Variants in ADAM2 observed in about 807,000 individuals in gnomAD.
ADAM2 encodes ADAM metallopeptidase domain 2.
In ADAM2, 101 loss-of-function variants were observed where a neutral mutation model predicts 99.3. The observed-to-expected ratio is 1.02, with a 90% CI of 0.87 to 1.20. ADAM2 has a LOEUF of 1.20. Among genes scored for constraint, ADAM2 ranks in the 50% most tolerant of loss-of-function variants. ADAM2 has a pLI of 0.00. For missense variants in ADAM2, 948 were observed against 878.7 expected (o/e 1.08, Z -1.00); for synonymous variants, 323 against 287.6 (o/e 1.12, Z -1.25).
chr8:39,769,943 C>CTTTTTTTTTT (rs1563346039), intron 11 of ADAM2, among the ~76,000 whole-genome samples: 1 of 102,082 alleles, frequency 9.8e-6, no homozygotes, highest in Non-Finnish European at 2.0e-5. Context: ...TCTTTTTTTT[C>CTTTTTTTTTT]TTTTTTCTTT....
At chr8:39,821,275 C>T in intron 5 of ADAM2, 105 bp from the exon 6 acceptor site, 2 of 830,470 alleles carry the variant, frequency 2.4e-6, no homozygotes. Flanking sequence ...TTATTTTTAG[C>T]CTGAATCTAA....
chr8:39,811,414 C>T (rs982486603), intron 6 of ADAM2, among the ~76,000 whole-genome samples: 2 of 152,188 alleles, frequency 1.3e-5, no homozygotes, highest in Admixed American at 1.3e-4. Flanking sequence ...GGAATCCTCC[C>T]TAACTCATTT....
chr8:39,835,649 C>T (rs1458674765), intron 2 of ADAM2, among the ~76,000 whole-genome samples: 1 of 149,218 alleles, frequency 6.7e-6, no homozygotes, highest in Non-Finnish European at 1.5e-5. Flanking sequence ...CGCCACTGCA[C>T]TCCAGCCTGG....
Position 39,809,425 on chromosome 8 carries a change from T to C in ADAM2, c.555A>G (p.Ile185Met). ...DFAKYIEMHV[I>M]VEKQLYNHMG... ...ATATACTTACCAATTGTTTTTCAAC[T>C]ATAACATGCATTTCTATATACTTTG... Residue 185 changes from isoleucine to methionine, a missense_variant, in exon 7 of 21, where the codon ATA becomes ATG. Transcript: ENST00000265708. 1 of 1,369,780 alleles carries C rather than the reference T, an allele frequency of 7.3e-7. No homozygotes were observed. The highest frequency in any genetic ancestry group is 1.0e-6 in the Non-Finnish European group (1 of 972,374). The allele number at this position is 1,369,780 out of a possible 1,614,324, so 84.9% of individuals were successfully genotyped here.
intron 4 of ADAM2, among the ~76,000 whole-genome samples, chr8:39,823,639 C>T (rs1223305483): frequency 1.3e-5 from 2 of 151,936 alleles, no homozygotes; most frequent in East Asian, 1.9e-4. Flanking sequence ...ATATTGTGAT[C>T]TCCTGTGCCT....
intron 11 of ADAM2, among the ~76,000 whole-genome samples, chr8:39,772,298 T>G (rs1363137145): frequency 1.3e-5 from 2 of 151,984 alleles, no homozygotes; most frequent in African/African-American, 2.4e-5. Context: ...ATGTCTAAAT[T>G]TCTCAGTTTT....
At chr8:39,760,487 C>T (rs1802307780) in intron 15 of ADAM2, among the ~76,000 whole-genome samples, 1 of 151,990 alleles carries the variant, frequency 6.6e-6, no homozygotes, top group African/African-American at 2.4e-5. Flanking sequence ...TTTGGGAGGC[C>T]GAGGCAGGTG....
chr8:39,764,185 T>C (rs779311175), intron 14 of ADAM2, among the ~76,000 whole-genome samples: 1 of 152,076 alleles, frequency 6.6e-6, no homozygotes, highest in Non-Finnish European at 1.5e-5. Flanking sequence ...GCAGGAGGAT[T>C]ACTTGAGACC....
At chr8:39,764,069 G>T (rs1802471216) in intron 14 of ADAM2, among the ~76,000 whole-genome samples, 1 of 152,208 alleles carries the variant, frequency 6.6e-6, no homozygotes, top group African/African-American at 2.4e-5. Flanking sequence ...TGGAACTGAA[G>T]TACTCAGTTT....
At chr8:39,778,218 C>T (rs778042212) in intron 10 of ADAM2, among the ~76,000 whole-genome samples, 2 of 151,874 alleles carry the variant, frequency 1.3e-5, no homozygotes, top group Non-Finnish European at 2.9e-5. Flanking sequence ...GAATATACTT[C>T]ATGATAGGTT....
chr8:39,767,896 T>TCA (rs57655234), intron 12 of ADAM2, among the ~76,000 whole-genome samples: 4,532 of 147,608 alleles, frequency 0.031, 110 homozygotes, highest in African/African-American at 0.073. Context: ...GACAATGCAT[T>TCA]CACACACACA....
At chr8:39,824,240 G>T (rs190086647) in intron 4 of ADAM2, among the ~76,000 whole-genome samples, 1 of 138,212 alleles carries the variant, frequency 7.2e-6, no homozygotes, top group Admixed American at 7.8e-5. Context: ...CTGAGATCGC[G>T]CCATTGCACT....
chr8:39,803,885 A>C (rs1346490357), intron 7 of ADAM2, among the ~76,000 whole-genome samples: 1 of 152,166 alleles, frequency 6.6e-6, no homozygotes, highest in Admixed American at 6.5e-5. Context: ...TTAATATGGG[A>C]GAATACTTAT....
At chr8:39,828,178 T>C (rs868523021) in intron 3 of ADAM2, among the ~76,000 whole-genome samples, 36 of 152,018 alleles carry the variant, frequency 2.4e-4, no homozygotes, top group African/African-American at 8.4e-4. Flanking sequence ...ATCACCAGAA[T>C]TGGTAAATTT....
chr8:39,771,896 A>G (rs1802793739), intron 11 of ADAM2, among the ~76,000 whole-genome samples: 1 of 152,118 alleles, frequency 6.6e-6, no homozygotes, highest in East Asian at 1.9e-4. Flanking sequence ...TTTATAGAGT[A>G]TACACTTTCT....
At chr8:39,744,735 G>T (rs1325867163) in intron 20 of ADAM2, 95 bp downstream of exon 20, 3 of 741,762 alleles carry the variant, frequency 4.0e-6, no homozygotes, top group Non-Finnish European at 6.5e-6. Flanking sequence ...AAACCACCAT[G>T]GCACATGTAT....
chr8:39,749,890 T>G (rs1222933617), intron 16 of ADAM2, 146 bp from the exon 17 acceptor site: 1 of 559,188 alleles, frequency 1.8e-6, no homozygotes, highest in African/African-American at 1.9e-5. Flanking sequence ...TAACAATGAA[T>G]AGTTAATGTA....
Position 39,824,799 on chromosome 8 carries a change from A to T in ADAM2, c.267+20T>A. The T allele has an allele frequency of 7.4e-7, 1 of 1,360,368 alleles. No individual in the cohort carries two copies. Among genetic ancestry groups the T allele is most frequent in the Non-Finnish European group, 1.0e-6 (1 of 957,748 alleles). The allele number at this position is 1,360,368 out of a possible 1,614,324, so 84.3% of individuals were successfully genotyped here. A position where few individuals can be genotyped will look rare whatever the true frequency, so the allele number is the denominator to read the frequency against. Reference sequence around the variant, plus strand: ...TAGACACTCACATGACAAAAATAAAAGAGATCATAAAAAACATACCTGAAA... The same window carrying T: ...TAGACACTCACATGACAAAAATAAATGAGATCATAAAAAACATACCTGAAA... On this transcript the variant is annotated intron_variant, in intron 4 of 20. Coordinates refer to ENST00000265708, the MANE Select transcript of ADAM2 (RefSeq NM_001464.5).
intron 6 of ADAM2, among the ~76,000 whole-genome samples, chr8:39,810,697 C>A (rs1413568647): frequency 6.6e-6 from 1 of 152,060 alleles, no homozygotes; most frequent in African/African-American, 2.4e-5. Flanking sequence ...GGGTACATAA[C>A]GAAATGAAGG....
Sources: allele counts gnomAD v4.1 joint callset (sites outside exome capture counted in the v4.1 genomes callset), GRCh38; gene constraint gnomAD v4.1.1; transcripts MANE v1.5; gene names NCBI Gene and HGNC (gene_info 2026-07-23, HGNC 2026-07-21).